ADAM28: variants seen among roughly 807,000 people sequenced by gnomAD.
ADAM28 encodes the protein disintegrin and metalloproteinase domain-containing protein 28.
A neutral mutation model predicts 101.2 loss-of-function variants in ADAM28; 105 were observed. The ratio of observed to expected loss-of-function variants is 1.04; its 90% CI spans 0.89 to 1.22. ADAM28 has a LOEUF of 1.22. Among genes scored for constraint, ADAM28 ranks in the 50% most tolerant of loss-of-function variants. ADAM28 has a pLI of 0.00. For synonymous variants in ADAM28, 322 were observed against 310.6 expected, an observed-to-expected ratio of 1.04 and a Z score of -0.39; for missense variants, 1,028 against 945.4, an observed-to-expected ratio of 1.09 and a Z score of -1.15.
chr8:24,336,882 A>G (rs1048347915), intron 14 of ADAM28, among the ~76,000 whole-genome samples: 1 of 152,218 alleles, frequency 6.6e-6, no homozygotes, highest in Admixed American at 6.5e-5. Context: ...TAATAGTTTC[A>G]GACTCCTACT....
At chr8:24,349,081 G>C (rs1465626943) in intron 18 of ADAM28, among the ~76,000 whole-genome samples, 1 of 152,090 alleles carries the variant, frequency 6.6e-6, no homozygotes, top group Non-Finnish European at 1.5e-5. Context: ...CTATCTGCAT[G>C]TGTGTGTGTG....
chr8:24,326,652 A>G lies in ADAM28; in HGVS notation c.972+17A>G, dbSNP rs374427679. On this transcript the variant is annotated intron_variant, in intron 10 of 22. Coordinates refer to ENST00000265769, the MANE Select transcript of ADAM28 (RefSeq NM_014265.6). ...GTTGTTCAGGTCTGTATGATGATAA[A>G]CTGTTGGTTCTATGATTTACATTTA... is the stretch of plus-strand genomic sequence containing the variant. 1.2e-6 allele frequency: 2 copies of G among 1,601,026 alleles called. No individual in the cohort carries two copies. Among genetic ancestry groups the G allele is most frequent in the African/African-American group, 2.7e-5 (2 of 74,440 alleles).
At chr8:24,314,832 G>T (rs1030310673) in intron 6 of ADAM28, among the ~76,000 whole-genome samples, 3 of 150,996 alleles carry the variant, frequency 2.0e-5, no homozygotes, top group Non-Finnish European at 4.4e-5. Context: ...TAAAAGTCTA[G>T]AGTTTTTATA....
intron 13 of ADAM28, 97 bp from the exon 14 acceptor site, chr8:24,335,349 C>A: frequency 6.9e-7 from 1 of 1,441,048 alleles, no homozygotes; most frequent in South Asian, 1.6e-5. Flanking sequence ...ACTACTATGC[C>A]CAAAAAGTCC....
At chr8:24,351,450 G>C in intron 20 of ADAM28, 140 bp downstream of exon 20, 1 of 902,676 alleles carries the variant, frequency 1.1e-6, no homozygotes, top group Non-Finnish European at 1.8e-6. Flanking sequence ...TTTGCCTTTT[G>C]TTAAAGGCAA....
intron 16 of ADAM28, among the ~76,000 whole-genome samples, chr8:24,342,755 T>G (rs1814932748): frequency 6.6e-6 from 1 of 152,172 alleles, no homozygotes; most frequent in African/African-American, 2.4e-5. Context: ...GGGAGGGAAG[T>G]ACTGGGACTA....
intron 12 of ADAM28, 142 bp from the exon 13 acceptor site, chr8:24,332,518 A>G: frequency 2.5e-6 from 1 of 404,284 alleles, no homozygotes; most frequent in Non-Finnish European, 4.4e-6. Context: ...AGGTTTTCTA[A>G]TTTTTTTTAT....
Position 24,331,198 on chromosome 8 carries a change from C to A in ADAM28, c.1152C>A (p.Asp384Glu). The change falls in exon 12 of 23, where the codon GAC (aspartate) becomes GAA (glutamate). Residue 384 changes from aspartate (D) to glutamate (E), a missense_variant. Transcript: ENST00000265769. The stretch of plus-strand genomic sequence containing the variant: ...GTTCCTGCAGCCGTCTCAGCTATGA[C>A]AAGTTTTTTGAAGATAAATTATCAA... Reference protein sequence around the residue: ...DFSSCSRLSYDKFFEDKLSNC... With the variant: ...DFSSCSRLSYEKFFEDKLSNC... The A allele has an allele frequency of 1.2e-6, 2 of 1,613,418 alleles. No homozygotes were observed. Among genetic ancestry groups the A allele is most frequent in the South Asian group, 1.1e-5 (1 of 90,962 alleles).
At chr8:24,295,965 T>G (rs1307241059) in intron 1 of ADAM28, 1 of 152,160 alleles carries the variant, frequency 6.6e-6, no homozygotes, top group East Asian at 1.9e-4. Flanking sequence ...AGTCCCCAGA[T>G]GGTTGAAATA....
intron 18 of ADAM28, chr8:24,346,819 G>A (rs536851088): frequency 8.6e-5 from 13 of 151,918 alleles, no homozygotes; most frequent in Non-Finnish European, 1.9e-4. Flanking sequence ...TCTTTCTTTT[G>A]TCATAATCAT....
rs1250585187 is a variant in ADAM28, at chr8:24,357,434, G to A, written c.*3030G>A. On this transcript the variant is annotated 3_prime_UTR_variant, in exon 23 of 23. Transcript: ENST00000265769. ...ACTCAGATTTCCACATGGCCTAGGAGGCCTCAGGAAACTTACAATCATGAT... is the reference window on the plus strand; with the variant it reads ...ACTCAGATTTCCACATGGCCTAGGAAGCCTCAGGAAACTTACAATCATGAT... 6.6e-6 allele frequency: 1 copy of A among 152,126 alleles called. No individual in the cohort carries two copies. The highest frequency in any genetic ancestry group is 1.5e-5 in the Non-Finnish European group (1 of 68,032). 9.4% of individuals were successfully genotyped at this position (152,126 alleles called of 1,614,324 possible).
chr8:24,347,334 A>G (rs1054414276), intron 18 of ADAM28, among the ~76,000 whole-genome samples: 3 of 152,064 alleles, frequency 2.0e-5, no homozygotes, highest in African/African-American at 7.2e-5. Flanking sequence ...CTTGGGTGAT[A>G]TTGGACTGTG....
At position 24,342,960 on chromosome 8, in the gene ADAM28, C is replaced by T. The variant is rs1334056114; in HGVS notation, c.1831-141C>T. 4.9e-6 allele frequency: 7 copies of T among 1,435,536 alleles called. No individual in the cohort carries two copies. In the Admixed American group the frequency reaches 1.8e-4, roughly 37 times the overall value. The allele number at this position is 1,435,536 out of a possible 1,614,324, so 88.9% of individuals were successfully genotyped here. A position where few individuals can be genotyped will look rare whatever the true frequency, so the allele number is the denominator to read the frequency against. On this transcript the variant is annotated intron_variant, in intron 16 of 22. Transcript: ENST00000265769. ...AAGAGGATAATGTAAGCAACAGAGC[C>T]CGTCTCTGTTTCCCTTCTTCTACAT...
intron 18 of ADAM28, among the ~76,000 whole-genome samples, chr8:24,349,287 A>T (rs1430910957): frequency 6.6e-6 from 1 of 152,162 alleles, no homozygotes; most frequent in Non-Finnish European, 1.5e-5. Flanking sequence ...CATTATTTAA[A>T]TTTGTCAGTA....
At chr8:24,344,937 T>A (rs1310890536) in intron 18 of ADAM28, among the ~76,000 whole-genome samples, 1 of 151,978 alleles carries the variant, frequency 6.6e-6, no homozygotes, top group Non-Finnish European at 1.5e-5. Context: ...TTCTATATCA[T>A]AGCATGCATA....
At chr8:24,321,904 T>C (rs557477326) in intron 8 of ADAM28, among the ~76,000 whole-genome samples, 59 of 152,022 alleles carry the variant, frequency 3.9e-4, no homozygotes, top group Non-Finnish European at 4.7e-4. Flanking sequence ...AAAATGGTTT[T>C]ACAGTCTTTA....
chr8:24,336,243 A>C (rs1814031150), intron 14 of ADAM28: 33 of 887,690 alleles, frequency 3.7e-5, no homozygotes, highest in Non-Finnish European at 4.5e-5. Context: ...TTGAAAAATA[A>C]AAGTTTAAAG....
intron 5 of ADAM28, 43 bp from the exon 6 acceptor site, chr8:24,313,345 C>A: frequency 6.5e-7 from 1 of 1,547,110 alleles, no homozygotes; most frequent in Non-Finnish European, 8.7e-7. Flanking sequence ...GAACCTAATG[C>A]AACAATATTT....
chr8:24,343,560 T>C lies in ADAM28; in HGVS notation c.1966T>C (p.Cys656Arg), dbSNP rs1164170520. The C allele has an allele frequency of 2.5e-6, 4 of 1,613,678 alleles. No homozygotes were observed. Among genetic ancestry groups the C allele is most frequent in the African/African-American group, 2.7e-5 (2 of 74,908 alleles). ...TGAGGAAGGATGGATCCCTCCCGAC[T>C]GCGATGACTCCTCAGTGGTCTTCCG... ...QCEEGWIPPDCDDSSVVFHFS... is the reference protein window; with the variant it reads ...QCEEGWIPPDRDDSSVVFHFS... Residue 656 changes from cysteine to arginine, a missense_variant, in exon 18 of 23, where the codon TGC (cysteine) becomes CGC (arginine). By Grantham distance (180) the Cys-to-Arg change is radical (BLOSUM62 -3). Coordinates refer to ENST00000265769, the MANE Select transcript of ADAM28 (RefSeq NM_014265.6).
Sources: gnomAD v4.1 joint callset for allele counts (sites outside exome capture counted in the v4.1 genomes callset) on GRCh38, gnomAD v4.1.1 for gene constraint, MANE v1.5 for transcripts, NCBI Gene and HGNC (gene_info 2026-07-23, HGNC 2026-07-21) for gene names.